Variants in TMEM135 observed in about 807,000 individuals in gnomAD.
TMEM135 encodes transmembrane protein 135, also known as peroxisomal membrane protein 52.
A neutral mutation model predicts 60.3 loss-of-function variants in TMEM135; 30 were observed. The observed-to-expected ratio is 0.50, with a 90% CI of 0.37 to 0.68. The LOEUF (loss-of-function observed/expected upper bound fraction) is 0.68, where lower values mean the gene tolerates loss of function less well. TMEM135 is among the 30% of genes least tolerant of loss of function. The pLI is 0.00. For synonymous variants in TMEM135, 190 were observed against 186.7 expected (o/e 1.02, Z -0.14); for missense variants, 468 against 548.8 (o/e 0.85, Z 1.47).
chr11:87,283,487 A>G (rs528030509), intron 6 of TMEM135, among the ~76,000 whole-genome samples: 2 of 152,252 alleles, frequency 1.3e-5, no homozygotes, highest in East Asian at 1.9e-4. Context: ...ATAGTTTTGA[A>G]TAGCTGCTCA....
intron 6 of TMEM135, among the ~76,000 whole-genome samples, chr11:87,279,401 C>A (rs1942021359): frequency 6.6e-6 from 1 of 152,168 alleles, no homozygotes; most frequent in Non-Finnish European, 1.5e-5. Context: ...TGTAAGACAG[C>A]AACTGCTATA....
At chr11:87,097,893 G>T (rs548996078) in intron 4 of TMEM135, among the ~76,000 whole-genome samples, 2 of 152,098 alleles carry the variant, frequency 1.3e-5, no homozygotes, top group South Asian at 4.2e-4. Flanking sequence ...TTATACCCCT[G>T]CAGTCCCAAA....
chr11:87,062,005 T>G (rs901948199), intron 1 of TMEM135, among the ~76,000 whole-genome samples: 1 of 152,172 alleles, frequency 6.6e-6, no homozygotes, highest in Non-Finnish European at 1.5e-5. Context: ...TGTTTGCTTC[T>G]GGGTACTTTT....
intron 5 of TMEM135, among the ~76,000 whole-genome samples, chr11:87,186,684 C>T (rs80252518): frequency 0.088 from 13,334 of 151,964 alleles, 636 homozygotes; most frequent in African/African-American, 0.11. Context: ...CATTTAACCT[C>T]GTATATATTT....
At chr11:87,238,791 T>C (rs1253204356) in intron 6 of TMEM135, among the ~76,000 whole-genome samples, 6 of 152,044 alleles carry the variant, frequency 3.9e-5, no homozygotes, top group Admixed American at 1.3e-4. Flanking sequence ...GAAAATGCAA[T>C]CGTAAAAAGC....
chr11:87,156,424 G>T (rs569709215), intron 4 of TMEM135, among the ~76,000 whole-genome samples: 1 of 152,246 alleles, frequency 6.6e-6, no homozygotes, highest in African/African-American at 2.4e-5. Flanking sequence ...AATAGGGATT[G>T]CATTGAATCT....
chr11:87,237,069 G>C (rs1941013710), intron 6 of TMEM135, among the ~76,000 whole-genome samples: 1 of 151,916 alleles, frequency 6.6e-6, no homozygotes, highest in Non-Finnish European at 1.5e-5. Flanking sequence ...AAGAAAAAAT[G>C]ACAGTAGATC....
chr11:87,198,574 G>T (rs1049909283), intron 5 of TMEM135, among the ~76,000 whole-genome samples: 4 of 76,956 alleles, frequency 5.2e-5, no homozygotes, highest in Admixed American at 2.0e-4. Context: ...TCCCCTCTCC[G>T]CTCCCCTCTC....
intron 5 of TMEM135, among the ~76,000 whole-genome samples, chr11:87,183,285 GGT>G (rs1235779445): frequency 6.6e-6 from 1 of 151,606 alleles, no homozygotes; most frequent in Non-Finnish European, 1.5e-5. Flanking sequence ...TGGGATTACA[GGT>G]GTGTGCCACC....
intron 6 of TMEM135, among the ~76,000 whole-genome samples, chr11:87,272,660 G>A (rs900787828): frequency 6.6e-6 from 1 of 151,854 alleles, no homozygotes; most frequent in African/African-American, 2.4e-5. Flanking sequence ...ATGAGGTCTT[G>A]CTCTGTTGCT....
At chr11:87,156,637 AT>A (rs1938703665) in intron 4 of TMEM135, among the ~76,000 whole-genome samples, 1 of 151,578 alleles carries the variant, frequency 6.6e-6, no homozygotes, top group Non-Finnish European at 1.5e-5. Context: ...TGTTTTCTTA[AT>A]TTCCTTTTCT....
At chr11:87,213,325 T>G (rs1940421007) in intron 5 of TMEM135, among the ~76,000 whole-genome samples, 1 of 152,212 alleles carries the variant, frequency 6.6e-6, no homozygotes, top group African/African-American at 2.4e-5. Flanking sequence ...ATGTAACTTC[T>G]ATTACTACTG....
intron 4 of TMEM135, among the ~76,000 whole-genome samples, chr11:87,149,268 G>C (rs942864106): frequency 1.1e-4 from 16 of 152,098 alleles, no homozygotes; most frequent in Admixed American, 9.8e-4. Context: ...ACAAAGATCT[G>C]TGTTTTTCAA....
chr11:87,203,179 A>G (rs1243939123), intron 5 of TMEM135, among the ~76,000 whole-genome samples: 1 of 152,062 alleles, frequency 6.6e-6, no homozygotes, highest in Non-Finnish European at 1.5e-5. Context: ...GACACTTGTT[A>G]CAATTGATAA....
At chr11:87,224,882 A>T (rs997282435) in intron 5 of TMEM135, among the ~76,000 whole-genome samples, 1 of 151,746 alleles carries the variant, frequency 6.6e-6, no homozygotes, top group Non-Finnish European at 1.5e-5. Flanking sequence ...TTATCCTCTC[A>T]TCTTACTATA....
chr11:87,249,935 C>A (rs1296757430), intron 6 of TMEM135, among the ~76,000 whole-genome samples: 2 of 152,018 alleles, frequency 1.3e-5, no homozygotes, highest in Non-Finnish European at 2.9e-5. Flanking sequence ...AGGTTCTGGA[C>A]TTTTCTTTGC....
intron 1 of TMEM135, among the ~76,000 whole-genome samples, chr11:87,065,154 C>T (rs1172792543): frequency 1.3e-5 from 2 of 152,144 alleles, no homozygotes; most frequent in African/African-American, 4.8e-5. Context: ...TATAAACATT[C>T]CTTCACAGGT....
intron 12 of TMEM135, among the ~76,000 whole-genome samples, chr11:87,316,304 G>C (rs1942728072): frequency 6.6e-6 from 1 of 151,310 alleles, no homozygotes; most frequent in Non-Finnish European, 1.5e-5. Context: ...GAGAGAGAGA[G>C]ACAGAGAAAG....
intron 5 of TMEM135, among the ~76,000 whole-genome samples, chr11:87,199,087 C>A (rs1028302032): frequency 6.6e-6 from 1 of 152,192 alleles, no homozygotes; most frequent in Non-Finnish European, 1.5e-5. Context: ...GAGTAGTTAT[C>A]GCTGTGGCTC....
Sources: gnomAD v4.1 joint callset for allele counts (sites outside exome capture counted in the v4.1 genomes callset) on GRCh38, gnomAD v4.1.1 for gene constraint, MANE v1.5 for transcripts, NCBI Gene and HGNC (gene_info 2026-07-23, HGNC 2026-07-21) for gene names.